Variants in ADRA1B observed in about 807,000 individuals in gnomAD.
ADRA1B encodes alpha-1B adrenergic receptor.
A neutral mutation model predicts 17.9 loss-of-function variants in ADRA1B; 17 were observed. The ratio of observed to expected loss-of-function variants is 0.95; its 90% CI spans 0.65 to 1.42. The LOEUF (loss-of-function observed/expected upper bound fraction) is 1.42, where lower values mean the gene tolerates loss of function less well. Among genes scored for constraint, ADRA1B ranks in the 40% most tolerant of loss-of-function variants. ADRA1B has a pLI of 0.00. For missense variants in ADRA1B, 681 were observed against 722.1 expected (o/e 0.94, Z 0.65); for synonymous variants, 366 against 327.6 (o/e 1.12, Z -1.27).
intron 1 of ADRA1B, among the ~76,000 whole-genome samples, chr5:159,889,810 A>T (rs890545705): frequency 1.3e-5 from 2 of 152,220 alleles, no homozygotes; most frequent in Non-Finnish European, 2.9e-5. Flanking sequence ...TTTCTGGTTA[A>T]ATCATCTAGA....
At chr5:159,935,238 T>A (rs1362590199) in intron 1 of ADRA1B, among the ~76,000 whole-genome samples, 1 of 152,208 alleles carries the variant, frequency 6.6e-6, no homozygotes, top group African/African-American at 2.4e-5. Context: ...CCAGGTATGA[T>A]GTTCACATGG....
At chr5:159,905,642 G>A (rs570787034) in intron 1 of ADRA1B, among the ~76,000 whole-genome samples, 1 of 152,304 alleles carries the variant, frequency 6.6e-6, no homozygotes, top group East Asian at 1.9e-4. Context: ...GAGACAGAGT[G>A]TGATCAAAGA....
intron 1 of ADRA1B, among the ~76,000 whole-genome samples, chr5:159,937,474 G>A (rs1472480394): frequency 2.0e-5 from 3 of 150,534 alleles, no homozygotes; most frequent in African/African-American, 7.3e-5. Flanking sequence ...CAGAGTCTCA[G>A]GAGTCTCACC....
intron 1 of ADRA1B, among the ~76,000 whole-genome samples, chr5:159,885,614 C>T (rs923479015): frequency 2.0e-5 from 3 of 152,228 alleles, no homozygotes; most frequent in Non-Finnish European, 4.4e-5. Flanking sequence ...GGAGCCAATG[C>T]ACAGGATCAC....
chr5:159,892,331 A>G (rs1030488179), intron 1 of ADRA1B, among the ~76,000 whole-genome samples: 1 of 152,206 alleles, frequency 6.6e-6, no homozygotes, highest in Non-Finnish European at 1.5e-5. Context: ...TGAGCATTAC[A>G]TATTTTTTTA....
At chr5:159,908,631 C>T (rs1412341572) in intron 1 of ADRA1B, among the ~76,000 whole-genome samples, 1 of 152,192 alleles carries the variant, frequency 6.6e-6, no homozygotes, top group African/African-American at 2.4e-5. Flanking sequence ...CCCAATAAGC[C>T]TTTCTTCTTT....
At chr5:159,915,817 T>C (rs546525204), upstream of ADRA1B, among the ~76,000 whole-genome samples, 1 of 152,352 alleles carries the variant, frequency 6.6e-6, no homozygotes, top group East Asian at 1.9e-4. Context: ...GCTTATTTAG[T>C]ATACTGTCTG....
At chr5:159,981,365 G>A in the ADRA1B span, among the ~76,000 whole-genome samples, 1 of 152,052 alleles carries the variant, frequency 6.6e-6, no homozygotes, top group Non-Finnish European at 1.5e-5. Context: ...TGCCTCCCGG[G>A]GGGTAAAATA....
At chr5:159,899,415 C>G (rs191010765) in intron 1 of ADRA1B, among the ~76,000 whole-genome samples, 1 of 152,208 alleles carries the variant, frequency 6.6e-6, no homozygotes, top group East Asian at 1.9e-4. Flanking sequence ...GTGGGAAAGA[C>G]TAACATGATT....
In ADRA1B at chr5:159,916,562, C is replaced by A; in HGVS notation, c.-344C>A. 1 of 194,880 alleles carries A rather than the reference C, an allele frequency of 5.1e-6. No homozygotes were observed. The highest frequency in any genetic ancestry group is 1.7e-4 in the South Asian group (1 of 5,898). 12.1% of individuals were successfully genotyped at this position (194,880 alleles called of 1,614,324 possible). On this transcript the variant is annotated 5_prime_UTR_variant, in exon 1 of 2. Transcript: ENST00000306675. ...GAGGACGCGCCGCGGTCCGCAGACC[C>A]GAGCGAGCTGGGCACCGCCGGGCGC...
At chr5:159,943,940 A>AC in intron 1 of ADRA1B, among the ~76,000 whole-genome samples, 4 of 147,460 alleles carry the variant, frequency 2.7e-5, no homozygotes, top group African/African-American at 1.0e-4. Context: ...ACACACACAC[A>AC]AACACACACA....
chr5:159,933,196 TTAAAA>T (rs749181887), intron 1 of ADRA1B, among the ~76,000 whole-genome samples: 5 of 152,234 alleles, frequency 3.3e-5, no homozygotes, highest in Non-Finnish European at 7.3e-5. Flanking sequence ...TTTCATATGT[TTAAAA>T]TAATCCATTC....
chr5:159,925,069 C>T (rs1226509004), intron 1 of ADRA1B, among the ~76,000 whole-genome samples: 1 of 152,124 alleles, frequency 6.6e-6, no homozygotes, highest in Admixed American at 6.5e-5. Flanking sequence ...CTCAGGTTAC[C>T]CAGCTGATCA....
At chr5:159,941,080 G>T (rs11743363) in intron 1 of ADRA1B, among the ~76,000 whole-genome samples, 72 of 152,232 alleles carry the variant, frequency 4.7e-4, no homozygotes, top group Admixed American at 1.6e-3. Context: ...GGGACCTCTT[G>T]GGTACTGTCA....
chr5:159,917,083 A>G lies in ADRA1B; in HGVS notation c.178A>G (p.Ile60Val). The G allele has an allele frequency of 2.5e-6, 4 of 1,614,062 alleles. No individual in the cohort carries two copies. The highest frequency in any genetic ancestry group is 3.4e-6 in the Non-Finnish European group (4 of 1,179,988). The change falls in exon 1 of 2, where the codon ATC becomes GTC. Residue 60 changes from isoleucine to valine, a missense_variant. This residue lies in a region of ADRA1B where 424 missense variants were observed against 480.2 expected (regional missense o/e 0.88). Transcript: ENST00000306675. ...GCTGGGCGCCTTCATCCTCTTTGCC[A>G]TCGTGGGCAACATCCTAGTCATCTT... ...LVLGAFILFA[I>V]VGNILVILSV...
At chr5:159,962,830 C>A (rs1452777728) in intron 1 of ADRA1B, among the ~76,000 whole-genome samples, 1 of 138,500 alleles carries the variant, frequency 7.2e-6, no homozygotes, top group Non-Finnish European at 1.5e-5. Context: ...GGCCACCACA[C>A]CTGGCTATTT....
the ADRA1B span, among the ~76,000 whole-genome samples, chr5:159,984,787 C>T: frequency 2.0e-5 from 3 of 150,642 alleles, no homozygotes; most frequent in Non-Finnish European, 3.0e-5. Flanking sequence ...CGAGTGTCTA[C>T]AATCCCAGCT....
intron 1 of ADRA1B, among the ~76,000 whole-genome samples, chr5:159,891,280 A>C (rs1753980834): frequency 6.6e-6 from 1 of 152,210 alleles, no homozygotes; most frequent in South Asian, 2.1e-4. Flanking sequence ...AAACTCCAAG[A>C]TGACTTTTCT....
intron 1 of ADRA1B, among the ~76,000 whole-genome samples, chr5:159,918,673 C>G (rs921436888): frequency 6.6e-6 from 1 of 152,150 alleles, no homozygotes; most frequent in African/African-American, 2.4e-5. Flanking sequence ...AAAACATGTT[C>G]GTCTTCTTTT....
Sources: gnomAD v4.1 joint callset for allele counts (sites outside exome capture counted in the v4.1 genomes callset) on GRCh38, gnomAD v4.1.1 for gene constraint, gnomAD v4.1.1 regional missense constraint, MANE v1.5 for transcripts, NCBI Gene and HGNC (gene_info 2026-07-23, HGNC 2026-07-21) for gene names.